The following DCDC1 variants were observed in gnomAD, a reference collection of about 807,000 sequenced individuals.
DCDC1 encodes doublecortin domain containing 1.
DCDC1 carries 200 observed loss-of-function variants against 178.3 expected under a neutral mutation model. That is an observed-to-expected ratio of 1.12 (90% confidence interval 1.00 to 1.26). The LOEUF (loss-of-function observed/expected upper bound fraction) is 1.26. Among genes scored for constraint, DCDC1 ranks in the 50% most tolerant of loss-of-function variants. DCDC1 has a pLI of 0.00. For missense variants in DCDC1, 1,983 were observed against 1,749.2 expected (o/e 1.13, Z -2.38); for synonymous variants, 690 against 604.8 (o/e 1.14, Z -2.07).
At chr11:31,044,058 C>T (rs970372295) in intron 20 of DCDC1, among the ~76,000 whole-genome samples, 5 of 151,954 alleles carry the variant, frequency 3.3e-5, no homozygotes, top group African/African-American at 1.2e-4. Flanking sequence ...TTATATTATG[C>T]TATATGGCAC....
chr11:30,884,033 A>ATTTTTTTTTTTATT (rs1942941956), intron 36 of DCDC1, among the ~76,000 whole-genome samples: 1 of 95,784 alleles, frequency 1.0e-5, no homozygotes, highest in Non-Finnish European at 2.0e-5. Flanking sequence ...ATTCTTTCTC[A>ATTTTTTTTTTTATT]TTTTTTTTTT....
At chr11:30,917,867 G>C (rs1326946325) in intron 25 of DCDC1, among the ~76,000 whole-genome samples, 1 of 152,224 alleles carries the variant, frequency 6.6e-6, no homozygotes, top group African/African-American at 2.4e-5. Context: ...GTAACTACAA[G>C]CATTATTAAA....
chr11:31,092,188 C>T (rs149196205), intron 16 of DCDC1, among the ~76,000 whole-genome samples: 9 of 152,250 alleles, frequency 5.9e-5, no homozygotes, highest in Admixed American at 3.3e-4. Flanking sequence ...ATTTTTAAAA[C>T]AGGAAGAGAG....
At chr11:31,322,642 C>T (rs1011881851) in intron 3 of DCDC1, among the ~76,000 whole-genome samples, 1 of 152,134 alleles carries the variant, frequency 6.6e-6, no homozygotes, top group Non-Finnish European at 1.5e-5. Flanking sequence ...GTTGAGTGAA[C>T]ATGTGATGAG....
At chr11:31,289,834 A>G (rs1039326789) in intron 7 of DCDC1, among the ~76,000 whole-genome samples, 23 of 151,956 alleles carry the variant, frequency 1.5e-4, no homozygotes, top group African/African-American at 5.6e-4. Context: ...CAGGGAAACA[A>G]AGGTGTCCAA....
At chr11:30,943,991 A>G (rs910464591) in intron 21 of DCDC1, 1 of 246,362 alleles carries the variant, frequency 4.1e-6, no homozygotes, top group African/African-American at 2.3e-5. Context: ...TTGTCAAGGA[A>G]CTAACAGGAG....
At chr11:31,292,120 G>A (rs1306470828) in intron 6 of DCDC1, among the ~76,000 whole-genome samples, 1 of 151,940 alleles carries the variant, frequency 6.6e-6, no homozygotes, top group Non-Finnish European at 1.5e-5. Flanking sequence ...ATTAAAACTA[G>A]ATTATAAGAC....
chr11:30,945,257 G>A (rs942862726), intron 21 of DCDC1, among the ~76,000 whole-genome samples: 10 of 151,810 alleles, frequency 6.6e-5, no homozygotes, highest in African/African-American at 1.9e-4. Flanking sequence ...GTGAGCCATC[G>A]CGCCTGGCCA....
intron 9 of DCDC1, among the ~76,000 whole-genome samples, chr11:31,186,888 C>A (rs1297867049): frequency 6.6e-6 from 1 of 152,186 alleles, no homozygotes; most frequent in Non-Finnish European, 1.5e-5. Context: ...TTTGGTAATG[C>A]ATCCCTTTGA....
intron 20 of DCDC1, among the ~76,000 whole-genome samples, chr11:31,061,819 C>T (rs1169133383): frequency 6.6e-6 from 1 of 152,124 alleles, no homozygotes; most frequent in Non-Finnish European, 1.5e-5. Flanking sequence ...TTCCTGGAAA[C>T]TTAAAGACAT....
chr11:31,213,306 A>G (rs1424375471), intron 9 of DCDC1, among the ~76,000 whole-genome samples: 1 of 151,790 alleles, frequency 6.6e-6, no homozygotes, highest in African/African-American at 2.4e-5. Context: ...ATTTAGCCTT[A>G]TCATTGGTAA....
intron 9 of DCDC1, among the ~76,000 whole-genome samples, chr11:31,214,159 C>T (rs1973231448): frequency 6.6e-6 from 1 of 151,750 alleles, no homozygotes; most frequent in South Asian, 2.1e-4. Flanking sequence ...CCACATGGGG[C>T]CTTGATTCTT....
intron 20 of DCDC1, among the ~76,000 whole-genome samples, chr11:31,045,881 T>A (rs1295830671): frequency 6.6e-6 from 1 of 152,122 alleles, no homozygotes; most frequent in Non-Finnish European, 1.5e-5. Flanking sequence ...CACAGAGCAG[T>A]CCCAAACCCA....
At chr11:31,116,479 A>G (rs1959983341) in intron 11 of DCDC1, among the ~76,000 whole-genome samples, 1 of 152,092 alleles carries the variant, frequency 6.6e-6, no homozygotes, top group Non-Finnish European at 1.5e-5. Context: ...CATTATATGT[A>G]CACTAAATAA....
At chr11:31,281,000 T>G in intron 7 of DCDC1, 1 of 589,948 alleles carries the variant, frequency 1.7e-6, no homozygotes, top group Non-Finnish European at 3.2e-6. Flanking sequence ...TTAATTCCCT[T>G]TTTCGTCACA....
chr11:30,916,481 T>TAA (rs1945845387), intron 26 of DCDC1, among the ~76,000 whole-genome samples: 1 of 152,124 alleles, frequency 6.6e-6, no homozygotes, highest in Non-Finnish European at 1.5e-5. Flanking sequence ...AACATTAAAC[T>TAA]AAAAAGGAAG....
intron 21 of DCDC1, among the ~76,000 whole-genome samples, chr11:30,937,656 C>G (rs1947358286): frequency 6.6e-6 from 1 of 152,030 alleles, no homozygotes; most frequent in African/African-American, 2.4e-5. Context: ...GCTTATCTTC[C>G]TCTCTCCTTA....
At chr11:31,080,957 T>A (rs657823) in intron 17 of DCDC1, among the ~76,000 whole-genome samples, 74,344 of 152,102 alleles carry the variant, frequency 0.49, 18,437 homozygotes, top group Middle Eastern at 0.57. Flanking sequence ...TTTGTCTTTT[T>A]ATCGAATTAC....
chr11:30,970,966 G>A (rs1949742023), intron 20 of DCDC1, among the ~76,000 whole-genome samples: 1 of 152,070 alleles, frequency 6.6e-6, no homozygotes, highest in Non-Finnish European at 1.5e-5. Flanking sequence ...TCCTTCCAGA[G>A]GCCTGAGGTT....
Sources: gnomAD v4.1 joint callset for allele counts (sites outside exome capture counted in the v4.1 genomes callset) on GRCh38, gnomAD v4.1.1 for gene constraint, MANE v1.5 for transcripts, NCBI Gene and HGNC (gene_info 2026-07-23, HGNC 2026-07-21) for gene names.